HNF4G: variants seen among roughly 807,000 people sequenced by gnomAD.
HNF4G encodes hepatocyte nuclear factor 4-gamma.
In HNF4G, 21 loss-of-function variants were observed where a neutral mutation model predicts 50.9. The observed-to-expected ratio is 0.41, with a 90% CI of 0.29 to 0.59. HNF4G has a LOEUF of 0.59. Among genes scored for constraint, HNF4G ranks in the 20% least tolerant of loss-of-function variants. The probability of loss-of-function intolerance (pLI) is 0.26; values close to 1 mark genes in which losing one functional copy is unlikely to be tolerated. For synonymous variants in HNF4G, 198 were observed against 185.6 expected (o/e 1.07, Z -0.54); for missense variants, 527 against 559.4 (o/e 0.94, Z 0.58).
chr8:75,441,246 C>CTTTTTTTTTTTTTTTTT (rs112258720), intron 1 of HNF4G, among the ~76,000 whole-genome samples: 2 of 142,290 alleles, frequency 1.4e-5, no homozygotes, highest in African/African-American at 2.6e-5. Context: ...AAGATTAGAA[C>CTTTTTTTTTTTTTTTTT]TTTTTTTTTT....
chr8:75,563,879 C>G (rs928314142), intron 9 of HNF4G, 96 bp from the exon 10 acceptor site: 1 of 1,359,308 alleles, frequency 7.4e-7, no homozygotes, highest in African/African-American at 1.5e-5. Context: ...AAAACATTTC[C>G]AAATTACGCT....
rs151054887 is a variant in HNF4G, at chr8:75,515,853, C to A, written c.-24+25645C>A. ...TGATCTCGGCTCACCACAACCTCCC[C>A]CTCCTGGGTTTAAGTGATTCTCCTG... is the stretch of plus-strand genomic sequence containing the variant. On this transcript the variant is annotated intron_variant, in intron 2 of 10. Coordinates refer to the HNF4G transcript ENST00000354370. 1.1e-4 allele frequency among the ~76,000 whole-genome samples: 16 copies of A among 151,106 alleles called. No individual in the cohort carries two copies. In the East Asian group the frequency reaches 2.7e-3, roughly 26 times the overall value.
intron 2 of HNF4G, among the ~76,000 whole-genome samples, chr8:75,494,345 CACACAG>C (rs968964450): frequency 2.7e-5 from 4 of 145,968 alleles, no homozygotes; most frequent in Non-Finnish European, 6.0e-5. Context: ...CACACACACA[CACACAG>C]GTTGACAATA....
intron 2 of HNF4G, among the ~76,000 whole-genome samples, chr8:75,510,199 TTAGAAA>T (rs1488261915): frequency 1.3e-5 from 2 of 152,010 alleles, no homozygotes; most frequent in African/African-American, 4.8e-5. Flanking sequence ...AAAATAAAAA[TTAGAAA>T]TAGAAAATGT....
At chr8:75,529,261 A>T (rs555097465) in intron 2 of HNF4G, among the ~76,000 whole-genome samples, 19 of 152,120 alleles carry the variant, frequency 1.2e-4, no homozygotes, top group African/African-American at 4.1e-4. Context: ...ACTGCACTCC[A>T]GCCTGGGCAA....
intron 2 of HNF4G, among the ~76,000 whole-genome samples, chr8:75,530,105 C>G (rs1806290154): frequency 6.6e-6 from 1 of 152,094 alleles, no homozygotes; most frequent in Non-Finnish European, 1.5e-5. Flanking sequence ...CTGGACCTGT[C>G]CCACTCGTCT....
At chr8:75,499,300 G>T (rs1013808673) in intron 2 of HNF4G, among the ~76,000 whole-genome samples, 1 of 151,828 alleles carries the variant, frequency 6.6e-6, no homozygotes, top group African/African-American at 2.4e-5. Context: ...AAATAATAAA[G>T]TACTAAGAAA....
chr8:75,453,556 C>T (rs1811640462), intron 1 of HNF4G, among the ~76,000 whole-genome samples: 1 of 146,882 alleles, frequency 6.8e-6, no homozygotes, highest in African/African-American at 2.5e-5. Context: ...CCTTTCCATG[C>T]TGTGGAAGCT....
intron 2 of HNF4G, among the ~76,000 whole-genome samples, chr8:75,507,708 A>G (rs1276174026): frequency 1.3e-5 from 2 of 152,214 alleles, no homozygotes; most frequent in African/African-American, 2.4e-5. Flanking sequence ...ACTATCTGAT[A>G]TATATAATAA....
rs375181969 is a variant in HNF4G at position 75,502,980 on chromosome 8, TATACTC to T, written c.-24+12775_-24+12780del. ...TGTACTTTGAAAGTACACAAACACT[TATACTC>T]ATGCAGTTTTTACTTGCATACACTT... On this transcript the variant is annotated intron_variant, in intron 2 of 10. Coordinates refer to the HNF4G transcript ENST00000354370. Among the ~76,000 whole-genome samples the T allele has an allele frequency of 1.5e-3, 236 of 152,296 alleles. 1 individual carries two copies. Among genetic ancestry groups the T allele is most frequent in the African/African-American group, 4.9e-3 (205 of 41,564 alleles).
intron 2 of HNF4G, among the ~76,000 whole-genome samples, chr8:75,496,470 C>A (rs568144243): frequency 3.3e-5 from 5 of 151,970 alleles, no homozygotes; most frequent in Non-Finnish European, 7.4e-5. Flanking sequence ...CACTCAAAAG[C>A]TTGACGTTAC....
intron 3 of HNF4G, among the ~76,000 whole-genome samples, chr8:75,549,586 C>T (rs571226282): frequency 2.0e-5 from 3 of 148,420 alleles, no homozygotes; most frequent in African/African-American, 7.4e-5. Flanking sequence ...TCTCAGAATG[C>T]TTCTGGGTAG....
At chr8:75,426,131 C>T (rs186804865) in intron 1 of HNF4G, among the ~76,000 whole-genome samples, 7 of 152,224 alleles carry the variant, frequency 4.6e-5, no homozygotes, top group East Asian at 1.9e-4. Flanking sequence ...CCTTTCTTTC[C>T]GTATAAGCTT....
intron 1 of HNF4G, among the ~76,000 whole-genome samples, chr8:75,421,686 A>G (rs1810778928): frequency 6.6e-6 from 1 of 152,146 alleles, no homozygotes; most frequent in Admixed American, 6.5e-5. Flanking sequence ...TCAGCTGGGA[A>G]GCTAGTAACT....
chr8:75,429,547 G>T (rs2130513287), intron 1 of HNF4G, among the ~76,000 whole-genome samples: 1 of 152,148 alleles, frequency 6.6e-6, no homozygotes, highest in South Asian at 2.1e-4. Flanking sequence ...AGGATTATTG[G>T]TTCTTTGCTA....
In HNF4G at chr8:75,551,474, G is replaced by T; in HGVS notation, c.469G>T (p.Ala157Ser). The T allele has an allele frequency of 6.2e-7, 1 of 1,610,684 alleles. No homozygotes were observed. The highest frequency in any genetic ancestry group is 8.5e-7 in the Non-Finnish European group (1 of 1,177,128). The change falls in exon 4 of 10, where the codon GCT becomes TCT. Residue 157 changes from alanine to serine, a missense_variant. By Grantham distance (99) the Ala-to-Ser change is moderately conservative. Around this residue, in one of 5 missense-constraint regions of HNF4G, gnomAD observed 128 missense variants for 135.3 expected, o/e 0.95. Transcript: ENST00000396423. ...CCCCTCCATTAACACACTGGCACAA[G>T]CTGAAGTTCGGTCTCGCCAGGTACC... ...NIPSINTLAQ[A>S]EVRSRQISVS...
At chr8:75,441,364 G>T (rs1324470833) in intron 1 of HNF4G, among the ~76,000 whole-genome samples, 1 of 151,420 alleles carries the variant, frequency 6.6e-6, no homozygotes, top group African/African-American at 2.4e-5. Flanking sequence ...TCACACCTTA[G>T]CCTCCTGAGC....
chr8:75,449,954 T>C (rs770354778), intron 1 of HNF4G, among the ~76,000 whole-genome samples: 3 of 152,240 alleles, frequency 2.0e-5, no homozygotes, highest in African/African-American at 4.8e-5. Context: ...ATGTATATTC[T>C]TCCTGTGTAA....
At chr8:75,434,370 G>A (rs1585839557) in intron 1 of HNF4G, among the ~76,000 whole-genome samples, 2 of 152,046 alleles carry the variant, frequency 1.3e-5, no homozygotes, top group Non-Finnish European at 2.9e-5. Flanking sequence ...GAATGATCAT[G>A]AAAATGCCAC....
Sources: allele counts gnomAD v4.1 joint callset (sites outside exome capture counted in the v4.1 genomes callset), GRCh38; gene constraint gnomAD v4.1.1; regional missense constraint gnomAD v4.1.1; transcripts MANE v1.5; gene names NCBI Gene and HGNC (gene_info 2026-07-23, HGNC 2026-07-21).